FBXL17: variants seen among roughly 807,000 people sequenced by gnomAD.
FBXL17 encodes the protein F-box/LRR-repeat protein 17.
Under a neutral mutation model 66.2 loss-of-function variants are expected in FBXL17, and 22 were observed. The observed-to-expected ratio is 0.33, with a 90% CI of 0.24 to 0.47. FBXL17 has a LOEUF of 0.47. FBXL17 is among the 20% of genes least tolerant of loss of function. The probability of loss-of-function intolerance (pLI) is 1.00; values close to 1 mark genes in which losing one functional copy is unlikely to be tolerated. For synonymous variants in FBXL17, 474 were observed against 400.5 expected, an observed-to-expected ratio of 1.18 and a Z score of -2.19; for missense variants, 878 against 948.2, an observed-to-expected ratio of 0.93 and a Z score of 0.97.
intron 6 of FBXL17, among the ~76,000 whole-genome samples, chr5:108,180,445 GC>G (rs762488762): frequency 6.6e-6 from 1 of 151,960 alleles, no homozygotes; most frequent in Non-Finnish European, 1.5e-5. Context: ...AGCAGAGGTT[GC>G]AGTGGTCTGA....
chr5:107,948,383 C>T (rs1023189513), intron 7 of FBXL17, among the ~76,000 whole-genome samples: 3 of 152,214 alleles, frequency 2.0e-5, no homozygotes, highest in Non-Finnish European at 2.9e-5. Context: ...ACCCTGGACT[C>T]CTTCCTTTCC....
At position 107,859,364 on chromosome 5, in the gene FBXL17, A is replaced by G. The variant is rs1358729017; in HGVS notation, c.*2356T>C. On this transcript the variant is annotated 3_prime_UTR_variant, in exon 9 of 9. Coordinates refer to ENST00000542267, the MANE Select transcript of FBXL17 (RefSeq NM_001163315.3). ...CACATTCAACAACCATCACAGGACC[A>G]CTCAAGGTGATGCTTTTTTCTGGCT... 1.5e-5 allele frequency: 2 copies of G among 136,296 alleles called. No homozygotes were observed. The highest frequency in any genetic ancestry group is 5.5e-5 in the African/African-American group (2 of 36,106). 8.4% of individuals were successfully genotyped at this position (136,296 alleles called of 1,614,324 possible). A position where few individuals can be genotyped will look rare whatever the true frequency, so the allele number is the denominator to read the frequency against.
intron 4 of FBXL17, among the ~76,000 whole-genome samples, chr5:108,331,778 C>T (rs540973924): frequency 2.5e-4 from 38 of 152,028 alleles, no homozygotes; most frequent in Non-Finnish European, 3.2e-4. Context: ...TCTTCTAACC[C>T]GTATATCAAG....
At chr5:108,160,860 G>T (rs954236543) in intron 6 of FBXL17, among the ~76,000 whole-genome samples, 6 of 152,096 alleles carry the variant, frequency 3.9e-5, no homozygotes, top group African/African-American at 1.4e-4. Context: ...GTCTTGACAA[G>T]GGCCTTATTG....
intron 7 of FBXL17, among the ~76,000 whole-genome samples, chr5:107,929,340 A>G (rs1750650147): frequency 6.6e-6 from 1 of 152,196 alleles, no homozygotes; most frequent in Non-Finnish European, 1.5e-5. Flanking sequence ...CTCATTACTT[A>G]AAAGAGCCAT....
intron 6 of FBXL17, among the ~76,000 whole-genome samples, chr5:108,160,199 C>T (rs1333775391): frequency 6.6e-6 from 1 of 152,134 alleles, no homozygotes; most frequent in Admixed American, 6.5e-5. Context: ...ATATAGGTTG[C>T]TTGCAATAAT....
intron 6 of FBXL17, among the ~76,000 whole-genome samples, chr5:108,118,280 C>T (rs1349478923): frequency 6.6e-6 from 1 of 152,164 alleles, no homozygotes; most frequent in African/African-American, 2.4e-5. Context: ...AGGGACATCC[C>T]TGCCTGGTGG....
chr5:108,053,260 A>G (rs1359080462), intron 6 of FBXL17, among the ~76,000 whole-genome samples: 3 of 152,158 alleles, frequency 2.0e-5, no homozygotes, highest in Non-Finnish European at 2.9e-5. Flanking sequence ...TGAACAGGCA[A>G]CCTAAAGAAT....
chr5:107,928,361 T>C (rs1366425086), intron 7 of FBXL17, among the ~76,000 whole-genome samples: 1 of 151,828 alleles, frequency 6.6e-6, no homozygotes, highest in Non-Finnish European at 1.5e-5. Flanking sequence ...TAAACCTTTA[T>C]TTACTTAAGA....
intron 6 of FBXL17, among the ~76,000 whole-genome samples, chr5:108,046,479 A>G (rs1747258430): frequency 6.6e-6 from 1 of 152,026 alleles, no homozygotes; most frequent in Admixed American, 6.5e-5. Flanking sequence ...TTGCAGTTTC[A>G]TTATTTTTGT....
At chr5:107,922,921 T>C (rs901433217) in intron 7 of FBXL17, among the ~76,000 whole-genome samples, 1 of 152,208 alleles carries the variant, frequency 6.6e-6, no homozygotes. Flanking sequence ...CATAAAGCAT[T>C]ACAATTTTTT....
At chr5:107,951,935 G>A (rs952246618) in intron 7 of FBXL17, among the ~76,000 whole-genome samples, 3 of 152,016 alleles carry the variant, frequency 2.0e-5, no homozygotes, top group Non-Finnish European at 4.4e-5. Flanking sequence ...ACTCTAATTG[G>A]CTTTTCAAAG....
At chr5:108,051,565 T>G (rs1580375067) in intron 6 of FBXL17, among the ~76,000 whole-genome samples, 1 of 152,262 alleles carries the variant, frequency 6.6e-6, no homozygotes. Context: ...AAACTCTCAA[T>G]AAACTAGATA....
At chr5:107,862,796 T>TATCATGAGCC in intron 8 of FBXL17, among the ~76,000 whole-genome samples, 1 of 151,798 alleles carries the variant, frequency 6.6e-6, no homozygotes, top group Admixed American at 6.6e-5. Flanking sequence ...TCAGGACCAC[T>TATCATGAGCC]AGGAAAAACC....
At chr5:107,981,458 G>T (rs1019633850) in intron 7 of FBXL17, among the ~76,000 whole-genome samples, 1 of 152,200 alleles carries the variant, frequency 6.6e-6, no homozygotes, top group African/African-American at 2.4e-5. Context: ...TTTGCTAGGG[G>T]AGTAGCCCCT....
intron 7 of FBXL17, among the ~76,000 whole-genome samples, chr5:107,925,280 T>G (rs1251303554): frequency 1.3e-5 from 2 of 152,240 alleles, no homozygotes; most frequent in African/African-American, 4.8e-5. Flanking sequence ...AAAAGAGAAT[T>G]ATAAACCCAA....
chr5:107,922,496 C>T (rs1331809438), intron 7 of FBXL17, among the ~76,000 whole-genome samples: 1 of 152,022 alleles, frequency 6.6e-6, no homozygotes, highest in African/African-American at 2.4e-5. Context: ...GTTAAAAAAC[C>T]CTCCATGGAA....
At chr5:108,047,228 C>T (rs1004430582) in intron 6 of FBXL17, among the ~76,000 whole-genome samples, 18 of 152,226 alleles carry the variant, frequency 1.2e-4, no homozygotes, top group East Asian at 1.9e-4. Flanking sequence ...AGGGGAGCCA[C>T]CCCTCATCCA....
intron 6 of FBXL17, among the ~76,000 whole-genome samples, chr5:108,126,651 C>CTATA (rs1165177851): frequency 0.03 from 3,213 of 107,996 alleles, 164 homozygotes; most frequent in African/African-American, 0.094. Context: ...CTCTCTCTCT[C>CTATA]TATATATATA....
Sources: gnomAD v4.1 joint callset for allele counts (sites outside exome capture counted in the v4.1 genomes callset) on GRCh38, gnomAD v4.1.1 for gene constraint, MANE v1.5 for transcripts, NCBI Gene and HGNC (gene_info 2026-07-23, HGNC 2026-07-21) for gene names.